The following APBA1 variants were observed in gnomAD, a reference collection of about 807,000 sequenced individuals.
APBA1 encodes amyloid-beta A4 precursor protein-binding family A member 1.
In APBA1, 55 loss-of-function variants were observed where a neutral mutation model predicts 86.6. That is an observed-to-expected ratio of 0.64 (90% CI 0.51 to 0.80). The LOEUF (loss-of-function observed/expected upper bound fraction) is 0.80, where lower values mean the gene tolerates loss of function less well. Among genes scored for constraint, APBA1 ranks in the 30% least tolerant of loss-of-function variants. APBA1 has a pLI of 0.00. For synonymous variants in APBA1, 511 were observed against 493.9 expected, an observed-to-expected ratio of 1.03 and a Z score of -0.46; for missense variants, 1,090 against 1,183.0, an observed-to-expected ratio of 0.92 and a Z score of 1.15.
Position 69,516,609 on chromosome 9 carries a change from A to G in APBA1, c.602T>C (p.Ile201Thr). Residue 201 changes from isoleucine (I) to threonine (T), a missense_variant, in exon 2 of 13, where the codon ATA becomes ACA. Transcript: ENST00000265381. The surrounding 1 kb of genome is among the most constrained non-coding windows in gnomAD (Gnocchi z 7.3). ...GGLQEHVYEEIGDAPELDARD... is the reference protein window; with the variant it reads ...GGLQEHVYEETGDAPELDARD... ...TGCGTCCAGCTCGGGCGCGTCCCCTATCTCCTCGTACACGTGCTCCTGGAG... is the reference window on the plus strand; with the variant it reads ...TGCGTCCAGCTCGGGCGCGTCCCCTGTCTCCTCGTACACGTGCTCCTGGAG... 1.2e-6 allele frequency: 2 copies of G among 1,605,992 alleles called. No individual in the cohort carries two copies. The highest frequency in any genetic ancestry group is 1.7e-6 in the Non-Finnish European group (2 of 1,179,176).
rs369563949 is a variant in APBA1 at position 69,432,629 on chromosome 9, A to G, written c.2349T>C (p.Arg783=). Residue 783 remains arginine, a synonymous_variant, in exon 12 of 13, where the codon CGT becomes CGC. Coordinates refer to ENST00000265381, the MANE Select transcript of APBA1 (RefSeq NM_001163.4). ...RGGIAERGGV[R]VGHRIIEING... is the part of the protein sequence containing the mutation. ...TGATTTCAATGATCCGGTGCCCCAC[A>G]CGGACGCCTCCTCTCTCAGCTATTC... The G allele has an allele frequency of 3.2e-5, 52 of 1,605,776 alleles. No homozygotes were observed. Among genetic ancestry groups the G allele is most frequent in the Non-Finnish European group, 4.4e-5 (52 of 1,176,836 alleles).
intron 1 of APBA1, among the ~76,000 whole-genome samples, chr9:69,628,337 A>C (rs1822973133): frequency 6.6e-6 from 1 of 152,198 alleles, no homozygotes; most frequent in Admixed American, 6.5e-5. Context: ...CCCCATGGAA[A>C]CTGTGAGATA....
intron 1 of APBA1, among the ~76,000 whole-genome samples, chr9:69,577,471 A>G (rs1037602085): frequency 6.6e-6 from 1 of 152,210 alleles, no homozygotes; most frequent in Non-Finnish European, 1.5e-5. Flanking sequence ...CAAGGGGAAC[A>G]GTTTCCCTCA....
intron 7 of APBA1, 135 bp downstream of exon 7, chr9:69,456,918 C>G: frequency 1.4e-6 from 1 of 711,302 alleles, no homozygotes. Flanking sequence ...CTGTGAACAC[C>G]ACCTTCTAGC....
At chr9:69,590,732 C>T (rs1822112632) in intron 1 of APBA1, among the ~76,000 whole-genome samples, 2 of 152,256 alleles carry the variant, frequency 1.3e-5, no homozygotes, top group South Asian at 4.1e-4. Flanking sequence ...TTTTTCTGGC[C>T]ATGTGCATAC....
chr9:69,533,357 T>C (rs1836461547), intron 1 of APBA1, among the ~76,000 whole-genome samples: 1 of 152,120 alleles, frequency 6.6e-6, no homozygotes, highest in East Asian at 1.9e-4. Context: ...ATGAGCCTAT[T>C]AAAAAAACCA....
rs534725245 is a variant in APBA1, at chr9:69,598,450, T to TAA, written c.-70+73701_-70+73702dup. ...AAGTATAATTAAAAAGTAAAAAAATTAAAAAAAAAAAAGAGAAATCTACTT... is the reference window on the plus strand; with the variant it reads ...AAGTATAATTAAAAAGTAAAAAAATTAAAAAAAAAAAAAAGAGAAATCTACTT... On this transcript the variant is annotated intron_variant, in intron 1 of 12. Coordinates refer to ENST00000265381, the MANE Select transcript of APBA1 (RefSeq NM_001163.4). 1.7e-4 allele frequency among the ~76,000 whole-genome samples: 24 copies of TAA among 144,880 alleles called. No homozygotes were observed. In the East Asian group the frequency reaches 2.0e-3, roughly 12 times the overall value.
chr9:69,436,634 A>G (rs1340787449), intron 11 of APBA1, among the ~76,000 whole-genome samples: 1 of 149,322 alleles, frequency 6.7e-6, no homozygotes, highest in Non-Finnish European at 1.5e-5. Context: ...TTGTATCCTG[A>G]GACTTTGCTG....
At chr9:69,627,665 T>C (rs916461004) in intron 1 of APBA1, among the ~76,000 whole-genome samples, 1 of 152,118 alleles carries the variant, frequency 6.6e-6, no homozygotes, top group Non-Finnish European at 1.5e-5. Context: ...AATCGAACTT[T>C]CCCTTTCTCA....
intron 11 of APBA1, 79 bp downstream of exon 11, chr9:69,440,917 C>A (rs1834808939): frequency 6.5e-7 from 1 of 1,548,972 alleles, no homozygotes; most frequent in Non-Finnish European, 8.8e-7. Context: ...ATTTAGCCAT[C>A]TTGGCTCCAC....
At chr9:69,468,226 C>A (rs919306426) in intron 4 of APBA1, among the ~76,000 whole-genome samples, 1 of 152,208 alleles carries the variant, frequency 6.6e-6, no homozygotes, top group Non-Finnish European at 1.5e-5. Flanking sequence ...AAACATGGAA[C>A]ATAAAATTCA....
intron 1 of APBA1, among the ~76,000 whole-genome samples, chr9:69,572,712 C>T (rs1358036644): frequency 6.6e-6 from 1 of 152,098 alleles, no homozygotes; most frequent in Non-Finnish European, 1.5e-5. Flanking sequence ...TGTTTATTTC[C>T]CTCTCTCTTC....
chr9:69,459,769 G>T (rs879683679), intron 5 of APBA1, among the ~76,000 whole-genome samples: 4 of 152,198 alleles, frequency 2.6e-5, no homozygotes, highest in Non-Finnish European at 4.4e-5. Context: ...TCTGTAAAGT[G>T]AAGATAAAAA....
chr9:69,523,477 G>GTATGTATA (rs1836287172), intron 1 of APBA1, among the ~76,000 whole-genome samples: 1 of 80,632 alleles, frequency 1.2e-5, no homozygotes, highest in African/African-American at 5.5e-5. Context: ...ATATATATAT[G>GTATGTATA]TATATATATA....
At chr9:69,590,581 A>C (rs1822110652) in intron 1 of APBA1, among the ~76,000 whole-genome samples, 1 of 152,202 alleles carries the variant, frequency 6.6e-6, no homozygotes, top group Admixed American at 6.5e-5. Flanking sequence ...GAAGGCCTTC[A>C]CCATTAATCA....
rs149875981 is a variant in APBA1, at chr9:69,571,384, T to C, written c.-69-54105A>G. On this transcript the variant is annotated intron_variant, in intron 1 of 12. Coordinates refer to ENST00000265381, the MANE Select transcript of APBA1 (RefSeq NM_001163.4). The stretch of plus-strand genomic sequence containing the variant: ...ATTATTTACTCTATAAAAATAGCCA[T>C]TAAAATGTATGTTTTCTGAGAACAT... Among the ~76,000 whole-genome samples, 837 of 152,296 alleles carry C rather than the reference T, an allele frequency of 5.5e-3. 5 individuals are homozygous for C. The highest frequency in any genetic ancestry group is 1.0e-2 in the Non-Finnish European group (678 of 68,030).
At chr9:69,444,949 C>T (rs1001616763) in intron 10 of APBA1, among the ~76,000 whole-genome samples, 9 of 152,280 alleles carry the variant, frequency 5.9e-5, no homozygotes, top group Non-Finnish European at 1.3e-4. Context: ...TAATCACACA[C>T]CAGGAGACCA....
At chr9:69,433,027 G>C (rs116814101) in intron 11 of APBA1, among the ~76,000 whole-genome samples, 1,554 of 152,278 alleles carry the variant, frequency 0.01, 36 homozygotes, top group African/African-American at 0.035. Flanking sequence ...ACAGGTTAGT[G>C]TTAGTTCCCG....
At chr9:69,471,201 CTG>C (rs1463298105) in intron 4 of APBA1, among the ~76,000 whole-genome samples, 2 of 152,162 alleles carry the variant, frequency 1.3e-5, no homozygotes, top group Non-Finnish European at 2.9e-5. Flanking sequence ...CATGCAGTAA[CTG>C]TTACTATTAC....
Sources: gnomAD v4.1 joint callset for allele counts (sites outside exome capture counted in the v4.1 genomes callset) on GRCh38, gnomAD v4.1.1 for gene constraint, Gnocchi (gnomAD v3.1) non-coding constraint, MANE v1.5 for transcripts, NCBI Gene and HGNC (gene_info 2026-07-23, HGNC 2026-07-21) for gene names.